The following NEDD4L variants were observed in gnomAD, a reference collection of about 807,000 sequenced individuals.
The protein encoded by NEDD4L is NEDD4 like E3 ubiquitin protein ligase.
In NEDD4L, 54 loss-of-function variants were observed where a neutral mutation model predicts 148.9. The observed-to-expected ratio is 0.36, with a 90% CI of 0.29 to 0.45. The LOEUF (loss-of-function observed/expected upper bound fraction) is 0.45. Among genes scored for constraint, NEDD4L ranks in the 20% least tolerant of loss-of-function variants. The probability of loss-of-function intolerance (pLI) is 1.00; values close to 1 mark genes in which losing one functional copy is unlikely to be tolerated. For missense variants in NEDD4L, 856 were observed against 1,233.8 expected (o/e 0.69, Z 4.59); for synonymous variants, 433 against 440.7 (o/e 0.98, Z 0.22).
In NEDD4L at chr18:58,182,543, T is replaced by G. The variant is rs550075377; in HGVS notation, c.122+16682T>G. Reference sequence around the variant, plus strand: ...TTTTTTTTTTTTTTGAGATGGAATCTTCCTCTGTCTCCCAGGCTGGAGTGC... The same window carrying G: ...TTTTTTTTTTTTTTGAGATGGAATCGTCCTCTGTCTCCCAGGCTGGAGTGC... On this transcript the variant is annotated intron_variant, in intron 2 of 30. Transcript: ENST00000400345. Among the ~76,000 whole-genome samples, 3 of 147,246 alleles carry G rather than the reference T, an allele frequency of 2.0e-5. No homozygotes were observed. The East Asian group carries it at 6.1e-4, about 30-fold the overall frequency.
At chr18:58,234,258 C>G (rs374529898) in intron 2 of NEDD4L, among the ~76,000 whole-genome samples, 17 of 118,698 alleles carry the variant, frequency 1.4e-4, no homozygotes, top group African/African-American at 5.7e-4. Flanking sequence ...TCTTTTTTTT[C>G]CCTTCCTTCC....
rs62094319 is a variant in NEDD4L at position 58,044,665 on chromosome 18, C to A, written c.5C>A (p.Ala2Glu). 1.9e-6 allele frequency: 3 copies of A among 1,601,588 alleles called. No individual in the cohort carries two copies. The highest frequency in any genetic ancestry group is 2.2e-5 in the South Asian group (2 of 89,710). The change falls in exon 1 of 31, where the codon GCG becomes GAG. Residue 2 changes from alanine to glutamate, a missense_variant. By Grantham distance (107) the Ala-to-Glu change is moderately radical. This residue lies in a region of NEDD4L where 193 missense variants were observed against 244.2 expected (regional missense o/e 0.79). Transcript: ENST00000400345. M[A>E]TGLGEPVYGL... ...CCCGCGCGGGGCGCCGGCTCCATGG[C>A]GACCGGGCTCGGGGAGCCGGTCTAT... is the stretch of plus-strand genomic sequence containing the variant.
At chr18:58,255,301 A>G (rs996394424) in intron 5 of NEDD4L, 13 of 189,528 alleles carry the variant, frequency 6.9e-5, no homozygotes, top group Non-Finnish European at 1.0e-4. Context: ...GTGCTGTTTC[A>G]GGCTCTTGCT....
intron 1 of NEDD4L, among the ~76,000 whole-genome samples, chr18:58,149,953 T>C (rs2034514412): frequency 6.6e-6 from 1 of 152,246 alleles, no homozygotes; most frequent in Admixed American, 6.5e-5. Context: ...CTGTGGATGG[T>C]AATTTATTTC....
intron 1 of NEDD4L, among the ~76,000 whole-genome samples, chr18:58,088,248 T>C (rs1201163149): frequency 6.6e-6 from 1 of 152,236 alleles, no homozygotes; most frequent in East Asian, 1.9e-4. Flanking sequence ...ATTTCTGCAA[T>C]ATCCTGTGGG....
At chr18:58,229,693 T>C (rs970516374) in intron 2 of NEDD4L, among the ~76,000 whole-genome samples, 3 of 152,192 alleles carry the variant, frequency 2.0e-5, no homozygotes, top group Non-Finnish European at 4.4e-5. Flanking sequence ...ACAACTTCAT[T>C]TAAAGACAGC....
intron 1 of NEDD4L, chr18:58,091,527 T>C (rs2084070861): frequency 6.6e-6 from 1 of 152,322 alleles, no homozygotes; most frequent in South Asian, 2.1e-4. Context: ...GAGTCACCAG[T>C]ACCTGCTCCC....
intron 1 of NEDD4L, among the ~76,000 whole-genome samples, chr18:58,063,805 C>T (rs544849327): frequency 1.7e-4 from 26 of 151,848 alleles, no homozygotes; most frequent in Non-Finnish European, 2.9e-4. Flanking sequence ...CCACCCGCCT[C>T]GGCCTCCCAA....
intron 2 of NEDD4L, chr18:58,193,877 T>G (rs2147238007): frequency 6.6e-6 from 1 of 152,454 alleles, no homozygotes; most frequent in Non-Finnish European, 1.5e-5. Flanking sequence ...GGTCTTCTCC[T>G]GGCCTCTTCC....
intron 2 of NEDD4L, among the ~76,000 whole-genome samples, chr18:58,205,842 C>T (rs963038854): frequency 3.3e-5 from 5 of 151,952 alleles, no homozygotes; most frequent in African/African-American, 9.7e-5. Flanking sequence ...GTTCTAGCCA[C>T]GCTAGACTGT....
At chr18:58,301,805 T>C (rs1300428732) in intron 5 of NEDD4L, among the ~76,000 whole-genome samples, 1 of 152,186 alleles carries the variant, frequency 6.6e-6, no homozygotes, top group Non-Finnish European at 1.5e-5. Flanking sequence ...TACCCATTAA[T>C]GTTTAGGATG....
chr18:58,357,589 A>T (rs556176169), intron 19 of NEDD4L: 88 of 463,682 alleles, frequency 1.9e-4, no homozygotes, highest in South Asian at 9.3e-4. Flanking sequence ...CTATCTTCAT[A>T]AAGTGTTATC....
chr18:58,139,644 CTG>C (rs1187841452), intron 1 of NEDD4L, among the ~76,000 whole-genome samples: 2 of 152,162 alleles, frequency 1.3e-5, no homozygotes, highest in African/African-American at 4.8e-5. Flanking sequence ...TGTCTTTTGT[CTG>C]TGTTACATGA....
chr18:58,339,178 A>G (rs1032369806), intron 13 of NEDD4L, among the ~76,000 whole-genome samples: 3 of 152,188 alleles, frequency 2.0e-5, no homozygotes, highest in African/African-American at 7.2e-5. Flanking sequence ...GTGGATCACC[A>G]GAACGGCTGA....
intron 11 of NEDD4L, among the ~76,000 whole-genome samples, 188 bp downstream of exon 11, chr18:58,331,102 A>C (rs1018964571): frequency 2.0e-5 from 3 of 152,188 alleles, no homozygotes; most frequent in Non-Finnish European, 4.4e-5. Context: ...GCAGGTGAGA[A>C]TCTTTCTTGA....
At chr18:58,104,378 A>C (rs1159360479) in intron 1 of NEDD4L, among the ~76,000 whole-genome samples, 1 of 152,112 alleles carries the variant, frequency 6.6e-6, no homozygotes, top group Admixed American at 6.5e-5. Context: ...GGATGTGGAG[A>C]TTCCTTCTGG....
At chr18:58,250,867 T>A (rs1216173586) in intron 4 of NEDD4L, among the ~76,000 whole-genome samples, 1 of 152,116 alleles carries the variant, frequency 6.6e-6, no homozygotes, top group Non-Finnish European at 1.5e-5. Flanking sequence ...ATGTCACACA[T>A]GTGGTTGGTG....
intron 7 of NEDD4L, 83 bp from the exon 8 acceptor site, chr18:58,323,149 T>C (rs2058999897): frequency 1.3e-6 from 1 of 780,190 alleles, no homozygotes; most frequent in South Asian, 1.6e-5. Flanking sequence ...CGTGCTGTGG[T>C]GGTTGGCTTT....
chr18:58,290,985 G>A (rs1319754726), intron 5 of NEDD4L, among the ~76,000 whole-genome samples: 1 of 152,020 alleles, frequency 6.6e-6, no homozygotes, highest in East Asian at 1.9e-4. Context: ...CGGATCCACA[G>A]GGTCACACAG....
Sources: allele counts gnomAD v4.1 joint callset (sites outside exome capture counted in the v4.1 genomes callset), GRCh38; gene constraint gnomAD v4.1.1; regional missense constraint gnomAD v4.1.1; transcripts MANE v1.5; gene names NCBI Gene and HGNC (gene_info 2026-07-23, HGNC 2026-07-21).